Variants in TCERG1 observed in about 807,000 individuals in gnomAD.
The protein encoded by TCERG1 is transcription elongation regulator 1.
In TCERG1, 37 loss-of-function variants were observed where a neutral mutation model predicts 144.7. That is an observed-to-expected ratio of 0.26 (90% CI 0.20 to 0.34). TCERG1 has a LOEUF of 0.34. Ranked by LOEUF, TCERG1 falls within the 10% of genes least tolerant of loss-of-function variation. TCERG1 has a pLI of 1.00. For synonymous variants in TCERG1, 492 were observed against 458.2 expected, an observed-to-expected ratio of 1.07 and a Z score of -0.94; for missense variants, 1,027 against 1,380.7, an observed-to-expected ratio of 0.74 and a Z score of 4.06.
chr5:146,483,671 C>CATAT (rs1561677495), intron 15 of TCERG1, 42 bp downstream of exon 15: 4 of 1,465,924 alleles, frequency 2.7e-6, no homozygotes, highest in Admixed American at 2.1e-5. Context: ...ATATCTCTTG[C>CATAT]CAACATAGTT....
At chr5:146,497,767 CT>C (rs1488716240) in intron 16 of TCERG1, among the ~76,000 whole-genome samples, 4 of 152,058 alleles carry the variant, frequency 2.6e-5, no homozygotes, top group African/African-American at 9.7e-5. Context: ...CTCTGTTTTC[CT>C]TGTGGATCTT....
intron 22 of TCERG1, among the ~76,000 whole-genome samples, chr5:146,509,882 TTC>T (rs1768328421): frequency 6.6e-6 from 1 of 152,188 alleles, no homozygotes; most frequent in Non-Finnish European, 1.5e-5. Flanking sequence ...CCAGCTTTTC[TTC>T]TTTAAGAGAG....
In TCERG1 at chr5:146,507,869, A is replaced by C; in HGVS notation, c.2962-4A>C. On this transcript the variant is annotated splice_region_variant and splice_polypyrimidine_tract_variant and intron_variant, in intron 20 of 22. Transcript: ENST00000679501. This position sits in a 1 kb window ranked among gnomAD's most constrained non-coding sequence, Gnocchi z 4.6. The stretch of plus-strand genomic sequence containing the variant: ...TTATGTTTTTTATTCATGTCTTTTC[A>C]AAGATTACCTTAACATCCACGTGGA... The C allele has an allele frequency of 6.2e-7, 1 of 1,602,086 alleles. No individual in the cohort carries two copies. The highest frequency in any genetic ancestry group is 1.7e-5 in the Admixed American group (1 of 58,572).
chr5:146,489,716 T>C (rs553118936), intron 15 of TCERG1, among the ~76,000 whole-genome samples: 3 of 152,338 alleles, frequency 2.0e-5, no homozygotes, highest in African/African-American at 4.8e-5. Context: ...CCCCTTAATA[T>C]ACATTTTTGT....
intron 5 of TCERG1, among the ~76,000 whole-genome samples, chr5:146,465,030 T>C (rs1763653123): frequency 6.6e-6 from 1 of 152,172 alleles, no homozygotes; most frequent in Non-Finnish European, 1.5e-5. Flanking sequence ...GTTTAAGAAA[T>C]TCAAATCATT....
rs772887166 is a variant in TCERG1 at position 146,447,367 on chromosome 5, G to C, written c.18G>C (p.Gly6=). ...CCTCTGTAATGGCGGAGCGTGGCGGGGACGGGGGCGAGAGTGAACGATTCA... is the reference window on the plus strand; with the variant it reads ...CCTCTGTAATGGCGGAGCGTGGCGGCGACGGGGGCGAGAGTGAACGATTCA... MAERG[G]DGGESERFNP... Residue 6 remains glycine (G), a synonymous_variant, in exon 1 of 23, where the codon GGG becomes GGC. Transcript: ENST00000679501. 5.6e-6 allele frequency: 9 copies of C among 1,611,654 alleles called. No individual in the cohort carries two copies. In the South Asian group the frequency reaches 6.6e-5, roughly 12 times the overall value.
At chr5:146,503,146 G>A (rs1025808295) in intron 17 of TCERG1, 5 of 246,594 alleles carry the variant, frequency 2.0e-5, no homozygotes, top group Non-Finnish European at 3.8e-5. Context: ...TCTTGAATTT[G>A]GCAAATTTTA....
rs549215877 is a variant in TCERG1, at chr5:146,448,670, A to G, written c.59+1262A>G. ...GAGGAAAATGCCTTTCAGATTCTGT[A>G]TGGTCGCACACACAAATCTCCACTT... On this transcript the variant is annotated intron_variant, in intron 1 of 22. Coordinates refer to ENST00000679501, the MANE Select transcript of TCERG1 (RefSeq NM_001382548.1). Among the ~76,000 whole-genome samples, 626 of 152,338 alleles carry G rather than the reference A, an allele frequency of 4.1e-3. 2 individuals carry two copies. Among genetic ancestry groups the G allele is most frequent in the African/African-American group, 0.014 (596 of 41,576 alleles).
chr5:146,492,818 T>G, intron 15 of TCERG1, 102 bp from the exon 16 acceptor site: 1 of 782,628 alleles, frequency 1.3e-6, no homozygotes. Flanking sequence ...AGTTAATATA[T>G]TTTTCCTGGT....
intron 9 of TCERG1, among the ~76,000 whole-genome samples, chr5:146,477,778 G>A (rs549383366): frequency 3.7e-4 from 53 of 144,298 alleles, no homozygotes; most frequent in Non-Finnish European, 7.2e-4. Context: ...ACTTACTGCA[G>A]CCTTGACCTC....
intron 19 of TCERG1, among the ~76,000 whole-genome samples, chr5:146,505,943 A>C (rs1252222722): frequency 6.6e-6 from 1 of 151,832 alleles, no homozygotes; most frequent in East Asian, 1.9e-4. Flanking sequence ...CACACAGCTC[A>C]TTTTTGTATT....
chr5:146,491,450 A>C (rs918965699), intron 15 of TCERG1, among the ~76,000 whole-genome samples: 1 of 152,022 alleles, frequency 6.6e-6, no homozygotes, highest in Non-Finnish European at 1.5e-5. Flanking sequence ...GCTGGTATAC[A>C]TCTTGCTCAA....
chr5:146,493,003 CA>C lies in TCERG1; in HGVS notation c.2254del (p.Met752Ter). Reference sequence around the variant, plus strand: ...AAATAATGCAAGCCAAGGAAGATTTCAAAAAAATGATGGAAGAAGCAAAATT... The same window carrying C: ...AAATAATGCAAGCCAAGGAAGATTTCAAAAAATGATGGAAGAAGCAAAATT... ...NKIMQAKEDF[K>X]KMMEEAKFNP... On this transcript the variant is annotated frameshift_variant, in exon 16 of 23. Transcript: ENST00000679501. LOFTEE classifies it high-confidence loss of function. 1 of 1,603,194 alleles carries C rather than the reference CA, an allele frequency of 6.2e-7. No homozygotes were observed. The highest frequency in any genetic ancestry group is 1.4e-5 in the African/African-American group (1 of 74,064).
At chr5:146,468,243 C>T (rs1322580769) in intron 5 of TCERG1, 98 bp from the exon 6 acceptor site, 2 of 934,202 alleles carry the variant, frequency 2.1e-6, no homozygotes, top group East Asian at 3.1e-5. Context: ...TTGGAAATAG[C>T]ATTCTAAATT....
At chr5:146,466,908 T>C (rs992217972) in intron 5 of TCERG1, among the ~76,000 whole-genome samples, 4 of 152,228 alleles carry the variant, frequency 2.6e-5, no homozygotes, top group African/African-American at 9.6e-5. Flanking sequence ...TTCATAAGAA[T>C]TGAATTTCCT....
chr5:146,459,099 G>GGCCCAGGCCCAA lies in TCERG1; in HGVS notation c.660_671dup (p.Ala239_Gln242dup), dbSNP rs760099242. 3 of 1,525,308 alleles carry GGCCCAGGCCCAA rather than the reference G, an allele frequency of 2.0e-6. No homozygotes were observed. Among genetic ancestry groups the GGCCCAGGCCCAA allele is most frequent in the Non-Finnish European group, 1.8e-6 (2 of 1,108,628 alleles). The allele number at this position is 1,525,308 out of a possible 1,614,324, so 94.5% of individuals were successfully genotyped here. A position where few individuals can be genotyped will look rare whatever the true frequency, so the allele number is the denominator to read the frequency against. ...AGGCCCAGGCCCAGGCCCAGGCCCA[G>GGCCCAGGCCCAA]GCCCAGGCCCAAGCCCAAGCCCAGG... is the stretch of plus-strand genomic sequence containing the variant. On this transcript the variant is annotated inframe_insertion, in exon 4 of 23. Coordinates refer to ENST00000679501, the MANE Select transcript of TCERG1 (RefSeq NM_001382548.1).
At position 146,472,701 on chromosome 5, in the gene TCERG1, T is replaced by TTGTGTGTG. The variant is rs59508893; in HGVS notation, c.1601+1145_1601+1152dup. On this transcript the variant is annotated intron_variant, in intron 9 of 22. Coordinates refer to ENST00000679501, the MANE Select transcript of TCERG1 (RefSeq NM_001382548.1). ...AAGGAAGAGTCACATACCTCTCACTTTGTGTGTGTGTGTGTGTGTGTGTGT... is the reference window on the plus strand; with the variant it reads ...AAGGAAGAGTCACATACCTCTCACTTTGTGTGTGTGTGTGTGTGTGTGTGTGTGTGTGT... Among the ~76,000 whole-genome samples, 345 of 146,000 alleles carry TTGTGTGTG rather than the reference T, an allele frequency of 2.4e-3. 2 individuals are homozygous for TTGTGTGTG. Among genetic ancestry groups the TTGTGTGTG allele is most frequent in the South Asian group, 0.022 (99 of 4,426 alleles).
chr5:146,457,222 C>T lies in TCERG1; in HGVS notation c.325C>T (p.Pro109Ser), dbSNP rs1418065594. The T allele has an allele frequency of 1.2e-6, 2 of 1,614,158 alleles. No individual in the cohort carries two copies. The highest frequency in any genetic ancestry group is 1.7e-6 in the Non-Finnish European group (2 of 1,179,982). The change falls in exon 3 of 23, where the codon CCT becomes TCT. Residue 109 changes from proline to serine, a missense_variant. Coordinates refer to ENST00000679501, the MANE Select transcript of TCERG1 (RefSeq NM_001382548.1). ...FMPPPMSSMP[P>S]PPGMMFPPGM... ...GCCTCCTCCCATGAGTTCCATGCCT[C>T]CTCCTCCGGGTATGATGTTTCCACC... is the stretch of plus-strand genomic sequence containing the variant.
At chr5:146,477,691 A>C (rs1055883763) in intron 9 of TCERG1, among the ~76,000 whole-genome samples, 3 of 92,542 alleles carry the variant, frequency 3.2e-5, no homozygotes, top group Non-Finnish European at 6.8e-5. Context: ...TTGGTACTTT[A>C]CTTTTTTTTT....
Sources: gnomAD v4.1 joint callset for allele counts (sites outside exome capture counted in the v4.1 genomes callset) on GRCh38, gnomAD v4.1.1 for gene constraint, Gnocchi (gnomAD v3.1) non-coding constraint, MANE v1.5 for transcripts, NCBI Gene and HGNC (gene_info 2026-07-23, HGNC 2026-07-21) for gene names.